UBR3: variants seen among roughly 807,000 people sequenced by gnomAD.
UBR3 encodes E3 ubiquitin-protein ligase UBR3.
UBR3 carries 85 observed loss-of-function variants against 243.2 expected under a neutral mutation model. The observed-to-expected ratio is 0.35, with a 90% CI of 0.29 to 0.42. The LOEUF is 0.42. UBR3 is among the 10% of genes least tolerant of loss of function. The pLI, the probability that UBR3 is intolerant of heterozygous loss-of-function variation, is 1.00. For missense variants in UBR3, 1,686 were observed against 2,300.8 expected (o/e 0.73, Z 5.47); for synonymous variants, 748 against 799.8 (o/e 0.94, Z 1.09).
At chr2:169,894,058 T>A (rs2084479862) in intron 6 of UBR3, among the ~76,000 whole-genome samples, 1 of 152,158 alleles carries the variant, frequency 6.6e-6, no homozygotes, top group East Asian at 1.9e-4. Flanking sequence ...AATAGATTTC[T>A]GTTTTATAAG....
Position 169,827,469 on chromosome 2 carries a change from G to C in UBR3, c.-39G>C, listed in dbSNP as rs1357746432. 23 of 1,220,578 alleles carry C rather than the reference G, an allele frequency of 1.9e-5. No homozygotes were observed. The highest frequency in any genetic ancestry group is 2.3e-5 in the Non-Finnish European group (23 of 980,838). The allele number at this position is 1,220,578 out of a possible 1,614,324, so 75.6% of individuals were successfully genotyped here. A position where few individuals can be genotyped will look rare whatever the true frequency, so the allele number is the denominator to read the frequency against. ...CTATTCCCTCACTCTCCCTGGAGGAGCCGCTGGCCCTGGACTCTCCAAATT... is the reference window on the plus strand; with the variant it reads ...CTATTCCCTCACTCTCCCTGGAGGACCCGCTGGCCCTGGACTCTCCAAATT... On this transcript the variant is annotated 5_prime_UTR_variant, in exon 1 of 39. Coordinates refer to ENST00000272793, the MANE Select transcript of UBR3 (RefSeq NM_172070.4).
chr2:169,831,441 C>T (rs1252610508), intron 1 of UBR3, among the ~76,000 whole-genome samples: 2 of 151,940 alleles, frequency 1.3e-5, no homozygotes, highest in African/African-American at 4.8e-5. Context: ...TGAGCCACCA[C>T]ACCCGGCCGG....
chr2:170,077,650 A>G, intron 36 of UBR3: 2 of 407,376 alleles, frequency 4.9e-6, no homozygotes, highest in South Asian at 6.8e-5. Flanking sequence ...CAGTAGAGCG[A>G]TCTTGGCTTA....
At chr2:169,882,367 GTAAATATA>G (rs2083921048) in intron 5 of UBR3, among the ~76,000 whole-genome samples, 4 of 54,056 alleles carry the variant, frequency 7.4e-5, no homozygotes, top group Non-Finnish European at 2.1e-4. Context: ...TATTATATAT[GTAAATATA>G]TATTATATAT....
intron 24 of UBR3, among the ~76,000 whole-genome samples, chr2:169,962,997 G>A (rs2087648414): frequency 6.6e-6 from 1 of 152,096 alleles, no homozygotes; most frequent in South Asian, 2.1e-4. Flanking sequence ...GTTGGGAGAA[G>A]GGCTGACTGC....
chr2:169,946,360 G>A lies in UBR3; in HGVS notation c.2878G>A (p.Glu960Lys). ...TTTATATCTGATTGAATTAGGACTT[G>A]AAAATTCTGCTGAAGAAGAATCAGA... ...MVLYLIELGL[E>K]NSAEEESDEE... Residue 960 changes from glutamate (E) to lysine (K), a missense_variant, in exon 21 of 39, where the codon GAA (glutamate) becomes AAA (lysine). Around this residue, in one of 8 missense-constraint regions of UBR3, gnomAD observed 300 missense variants for 314.4 expected, o/e 0.95. Coordinates refer to ENST00000272793, the MANE Select transcript of UBR3 (RefSeq NM_172070.4). The A allele has an allele frequency of 6.7e-7, 1 of 1,503,514 alleles. No homozygotes were observed. Among genetic ancestry groups the A allele is most frequent in the African/African-American group, 1.4e-5 (1 of 70,930 alleles). The allele number at this position is 1,503,514 out of a possible 1,614,324, so 93.1% of individuals were successfully genotyped here. A position where few individuals can be genotyped will look rare whatever the true frequency, so the allele number is the denominator to read the frequency against.
chr2:169,908,849 A>T lies in UBR3; in HGVS notation c.1779+2685A>T, dbSNP rs1425005592. Among the ~76,000 whole-genome samples, 4 of 127,654 alleles carry T rather than the reference A, an allele frequency of 3.1e-5. No individual in the cohort carries two copies. The South Asian group carries it at 9.7e-4, about 31-fold the overall frequency. The allele number at this position is 127,654 out of a possible 152,430, so 83.7% of individuals were successfully genotyped here. ...TTTTTTTTTTTTTTTTTTGAGACGTAGTCTTGCTCTGTCACCCAGGCTGGA... is the reference window on the plus strand; with the variant it reads ...TTTTTTTTTTTTTTTTTTGAGACGTTGTCTTGCTCTGTCACCCAGGCTGGA... On this transcript the variant is annotated intron_variant, in intron 10 of 38. Transcript: ENST00000272793.
intron 1 of UBR3, among the ~76,000 whole-genome samples, chr2:169,866,773 A>T (rs987109626): frequency 7.9e-5 from 12 of 152,180 alleles, no homozygotes; most frequent in African/African-American, 2.9e-4. Context: ...TAGTATTTGG[A>T]TGGGACACAG....
At chr2:170,018,880 A>G (rs1054043526) in intron 30 of UBR3, among the ~76,000 whole-genome samples, 3 of 152,140 alleles carry the variant, frequency 2.0e-5, no homozygotes, top group Non-Finnish European at 4.4e-5. Context: ...TAAATATGAC[A>G]CTCCATAAAT....
rs760444874 is a variant in UBR3, at chr2:169,949,441, TGA to T, written c.3085-156_3085-155del. 29 of 617,678 alleles carry T rather than the reference TGA, an allele frequency of 4.7e-5. 1 individual carries two copies. The highest frequency in any genetic ancestry group is 7.0e-5 in the Admixed American group (2 of 28,454). The allele number at this position is 617,678 out of a possible 1,614,324, so 38.3% of individuals were successfully genotyped here. On this transcript the variant is annotated intron_variant, in intron 22 of 38. Coordinates refer to ENST00000272793, the MANE Select transcript of UBR3 (RefSeq NM_172070.4). Reference sequence around the variant, plus strand: ...TAGATTGAGTGGGATTAAATATATTTGAGAGAGAGGTCAAGGGAGAAATTTAT... The same window carrying T: ...TAGATTGAGTGGGATTAAATATATTTGAGAGAGGTCAAGGGAGAAATTTAT...
chr2:170,056,423 T>G (rs573795878), intron 33 of UBR3, among the ~76,000 whole-genome samples: 8 of 152,282 alleles, frequency 5.3e-5, no homozygotes, highest in Non-Finnish European at 7.4e-5. Context: ...TGCAAACTAT[T>G]TAGAAAAATT....
chr2:169,864,686 G>A (rs1231807961), intron 1 of UBR3, among the ~76,000 whole-genome samples: 1 of 151,700 alleles, frequency 6.6e-6, no homozygotes, highest in African/African-American at 2.4e-5. Flanking sequence ...GGCAGATCAC[G>A]AGGTCAGGAG....
chr2:169,952,514 G>T (rs12464927), intron 23 of UBR3, among the ~76,000 whole-genome samples: 105,095 of 151,828 alleles, frequency 0.69, 37,646 homozygotes, highest in East Asian at 0.88. Flanking sequence ...GGCCAACATG[G>T]TGAAACCTCG....
intron 32 of UBR3, among the ~76,000 whole-genome samples, chr2:170,053,034 A>C (rs570500378): frequency 1.9e-4 from 29 of 152,292 alleles, no homozygotes; most frequent in African/African-American, 6.3e-4. Flanking sequence ...TGGAATAAGG[A>C]AAGTAGATTG....
chr2:169,940,948 G>C (rs564876591), intron 19 of UBR3, among the ~76,000 whole-genome samples: 2 of 152,296 alleles, frequency 1.3e-5, no homozygotes, highest in South Asian at 4.1e-4. Flanking sequence ...AATATGGATT[G>C]TTCCTTAGTC....
At chr2:169,927,203 T>C in intron 16 of UBR3, 117 bp from the exon 17 acceptor site, 2 of 1,058,212 alleles carry the variant, frequency 1.9e-6, no homozygotes, top group Non-Finnish European at 2.7e-6. Flanking sequence ...GCTTCTTTAC[T>C]CTTTAATTTG....
chr2:169,857,069 T>TTTTG (rs1559026999), intron 1 of UBR3, among the ~76,000 whole-genome samples: 9 of 18,308 alleles, frequency 4.9e-4, no homozygotes, highest in East Asian at 4.2e-3. Context: ...ATTATGTTTT[T>TTTTG]TTTTTTTTTT....
rs1317409051 is a variant in UBR3 at position 169,926,882 on chromosome 2, A to G, written c.2249A>G (p.Asn750Ser). 6.4e-7 allele frequency: 1 copy of G among 1,550,680 alleles called. No homozygotes were observed. Among genetic ancestry groups the G allele is most frequent in the Admixed American group, 2.0e-5 (1 of 51,002 alleles). ...DLLTMASQHQ[N>S]TVLDAEHERS... ...TTGACAATGGCATCACAACATCAAAATACAGTACTTGATGCAGAGCATGAG... is the reference window on the plus strand; with the variant it reads ...TTGACAATGGCATCACAACATCAAAGTACAGTACTTGATGCAGAGCATGAG... Residue 750 changes from asparagine to serine, a missense_variant, in exon 16 of 39, where the codon AAT becomes AGT. Asn to Ser is a conservative substitution (Grantham distance 46). Transcript: ENST00000272793.
chr2:169,919,050 A>G (rs556011384), intron 11 of UBR3, among the ~76,000 whole-genome samples: 1 of 152,340 alleles, frequency 6.6e-6, no homozygotes, highest in Admixed American at 6.5e-5. Flanking sequence ...AGTCTTAAAG[A>G]TACAGTAATC....
Sources: gnomAD v4.1 joint callset for allele counts (sites outside exome capture counted in the v4.1 genomes callset) on GRCh38, gnomAD v4.1.1 for gene constraint, gnomAD v4.1.1 regional missense constraint, MANE v1.5 for transcripts, NCBI Gene and HGNC (gene_info 2026-07-23, HGNC 2026-07-21) for gene names.